The following ZFYVE26 variants were observed in gnomAD, a reference collection of about 807,000 sequenced individuals.
ZFYVE26 encodes zinc finger FYVE-type containing 26.
Under a neutral mutation model 276.5 loss-of-function variants are expected in ZFYVE26, and 181 were observed. The ratio of observed to expected loss-of-function variants is 0.65; its 90% CI spans 0.58 to 0.74. ZFYVE26 has a LOEUF of 0.74. ZFYVE26 is among the 30% of genes least tolerant of loss of function. The probability of loss-of-function intolerance (pLI) is 0.00; values close to 1 mark genes in which losing one functional copy is unlikely to be tolerated. For synonymous variants in ZFYVE26, 1,129 were observed against 1,203.1 expected (o/e 0.94, Z 1.27); for missense variants, 2,821 against 3,097.9 (o/e 0.91, Z 2.12).
In ZFYVE26 at chr14:67,798,418, G is replaced by A. The variant is rs117228915; in HGVS notation, c.1844C>T (p.Ser615Phe). 17,595 of 1,613,474 alleles carry A rather than the reference G, an allele frequency of 0.011. 138 individuals carry two copies. The highest frequency in any genetic ancestry group is 0.018 in the Middle Eastern group (106 of 6,054). ...IEGKSPSGLR[S>F]PSESPQHIAH... is the part of the protein sequence containing the mutation. ...TATGTGCTGAGGGCTCTCTGATGGG[G>A]ACCTCAAACCTGAGGGGCTCTTCCC... Residue 615 changes from serine (S) to phenylalanine (F), a missense_variant, in exon 11 of 42, where the codon TCC (serine) becomes TTC (phenylalanine). Coordinates refer to ENST00000347230, the MANE Select transcript of ZFYVE26 (RefSeq NM_015346.4).
chr14:67,777,788 C>G (rs925766887), intron 24 of ZFYVE26, 53 bp from the exon 25 acceptor site: 13 of 1,601,504 alleles, frequency 8.1e-6, no homozygotes, highest in African/African-American at 1.3e-5. Flanking sequence ...AGCTCTTAGA[C>G]CAGCTTTGTT....
At chr14:67,784,218 C>A in intron 20 of ZFYVE26, 116 bp downstream of exon 20, 1 of 876,414 alleles carries the variant, frequency 1.1e-6, no homozygotes, top group Non-Finnish European at 1.9e-6. Context: ...AAAATTCAGT[C>A]AGGAAGAAAT....
intron 13 of ZFYVE26, among the ~76,000 whole-genome samples, chr14:67,732,126 CAAAAAA>C (rs71129854): frequency 1.3e-5 from 1 of 77,528 alleles, no homozygotes; most frequent in African/African-American, 5.4e-5. Context: ...GACTCTGTCT[CAAAAAA>C]AAAAAAAAAA....
At chr14:67,808,568 G>A (rs2040231744) in intron 4 of ZFYVE26, among the ~76,000 whole-genome samples, 1 of 152,002 alleles carries the variant, frequency 6.6e-6, no homozygotes, top group African/African-American at 2.4e-5. Flanking sequence ...AGGGAGAGAA[G>A]GGGGTGAGAA....
chr14:67,729,381 G>A (rs745369888), exon 14 of ZFYVE26: 1 of 1,597,304 alleles, frequency 6.3e-7, no homozygotes, highest in Non-Finnish European at 8.5e-7. Context: ...AGTACTTCAG[G>A]TGTGTGAAGG....
chr14:67,750,799 G>A, intron 41 of ZFYVE26: 1 of 565,038 alleles, frequency 1.8e-6, no homozygotes. Flanking sequence ...AGATTCAAGA[G>A]CAGCCTAGGA....
rs777319379 is a variant in ZFYVE26, at chr14:67,783,125, T to C, written c.4027A>G (p.Arg1343Gly). The change falls in exon 21 of 42, where the codon AGG becomes GGG. Residue 1343 changes from arginine (R) to glycine (G), a missense_variant. By Grantham distance (125) the Arg-to-Gly change is moderately radical. Transcript: ENST00000347230. ...TGCTCTGCAGCCAGAGGCACCTCCC[T>C]GCGGCCACGAAGTTCCTTCCATGAC... is the stretch of plus-strand genomic sequence containing the variant. ...SLSWKELRGRREVPLAAEQVA... is the reference protein window; with the variant it reads ...SLSWKELRGRGEVPLAAEQVA... 1.9e-5 allele frequency: 30 copies of C among 1,608,976 alleles called. 1 individual carries two copies. Among genetic ancestry groups the C allele is most frequent in the Non-Finnish European group, 2.6e-5 (30 of 1,176,330 alleles).
intron 34 of ZFYVE26, 156 bp downstream of exon 34, chr14:67,762,047 C>T: frequency 1.4e-6 from 1 of 708,380 alleles, no homozygotes; most frequent in South Asian, 1.6e-5. Flanking sequence ...GGTTACTTAT[C>T]TAACTATATG....
At position 67,804,253 on chromosome 14, in the gene ZFYVE26, G is replaced by C; in HGVS notation, c.1283C>G (p.Pro428Arg). Residue 428 changes from proline to arginine, a missense_variant, in exon 9 of 42, where the codon CCA becomes CGA. Transcript: ENST00000347230. ...TAAATGATACAACAGATCTCTCTTT[G>C]GTATGGGGTTGCTGAATGGAAAAGT... ...WCIQQSSNPI[P>R]KRDLLYHLHG... The C allele has an allele frequency of 6.2e-7, 1 of 1,614,162 alleles. No individual in the cohort carries two copies. Among genetic ancestry groups the C allele is most frequent in the South Asian group, 1.1e-5 (1 of 91,078 alleles).
rs373253472 is a variant in ZFYVE26 at position 67,785,099 on chromosome 14, G to C, written c.3483C>G (p.Thr1161=). Residue 1161 remains threonine (T), a synonymous_variant, in exon 19 of 42, where the codon ACC becomes ACG. Coordinates refer to ENST00000347230, the MANE Select transcript of ZFYVE26 (RefSeq NM_015346.4). Reference sequence around the variant, plus strand: ...AACTTTGAAGGAGAACTGCAGCAAGGGTGCTGCAGTAACTGAAGAAGGTGC... The same window carrying C: ...AACTTTGAAGGAGAACTGCAGCAAGCGTGCTGCAGTAACTGAAGAAGGTGC... ...YLGTFFSYCS[T]LAAVLLQSLS... 3.8e-5 allele frequency: 61 copies of C among 1,614,058 alleles called. No homozygotes were observed. Among genetic ancestry groups the C allele is most frequent in the Non-Finnish European group, 9.3e-6 (11 of 1,180,034 alleles).
chr14:67,761,815 T>G (rs968870530), intron 34 of ZFYVE26: 1 of 587,496 alleles, frequency 1.7e-6, no homozygotes, highest in Non-Finnish European at 3.0e-6. Context: ...ATGTTCATAA[T>G]TTTTCAGTGT....
At chr14:67,729,687 T>A (rs2038242346) in exon 14 of ZFYVE26, 1 of 569,082 alleles carries the variant, frequency 1.8e-6, no homozygotes, top group East Asian at 3.9e-5. Flanking sequence ...TCTGGATCGT[T>A]TTTCTCCTTC....
chr14:67,780,038 A>T (rs2039454634), intron 23 of ZFYVE26, among the ~76,000 whole-genome samples: 1 of 151,952 alleles, frequency 6.6e-6, no homozygotes, highest in African/African-American at 2.4e-5. Context: ...CGCCTAGCTA[A>T]TTTTTTGTAT....
intron 3 of ZFYVE26, among the ~76,000 whole-genome samples, chr14:67,813,347 C>G (rs2040339683): frequency 6.6e-6 from 1 of 152,132 alleles, no homozygotes; most frequent in African/African-American, 2.4e-5. Context: ...TCACTTAAAT[C>G]TCAAAGTCTG....
intron 2 of ZFYVE26, among the ~76,000 whole-genome samples, chr14:67,814,397 T>C (rs2040359168): frequency 6.6e-6 from 1 of 152,122 alleles, no homozygotes. Context: ...CAGGCGCCTG[T>C]AGTCCCAGCT....
At chr14:67,731,445 C>T (rs1173258047) in intron 13 of ZFYVE26, among the ~76,000 whole-genome samples, 2 of 151,754 alleles carry the variant, frequency 1.3e-5, no homozygotes, top group East Asian at 1.9e-4. Flanking sequence ...GAACTCCTGA[C>T]CTCAAGTGAT....
At position 67,809,208 on chromosome 14, in the gene ZFYVE26, TG is replaced by T; in HGVS notation, c.354del (p.Asn118LysfsTer10). ...CCAGGGCTCTCTCTCACCTCGAGGA[TG>T]TTCTCTGGAATGTCACCTTGGAGGT... ...SEDLQGDIPE[N>X]ILEELYETLT... On this transcript the variant is annotated frameshift_variant, in exon 4 of 42. Transcript: ENST00000347230. LOFTEE classifies it high-confidence loss of function. 6.2e-7 allele frequency: 1 copy of T among 1,614,046 alleles called. No homozygotes were observed. Among genetic ancestry groups the T allele is most frequent in the Non-Finnish European group, 8.5e-7 (1 of 1,179,962 alleles).
chr14:67,758,340 G>A (rs2038841444), intron 35 of ZFYVE26, among the ~76,000 whole-genome samples: 1 of 152,172 alleles, frequency 6.6e-6, no homozygotes, highest in African/African-American at 2.4e-5. Context: ...TAGCTCTACA[G>A]GAGAGATAGA....
At chr14:67,752,210 AT>A (rs1445659515) in intron 40 of ZFYVE26, 133 bp downstream of exon 40, 6 of 1,182,676 alleles carry the variant, frequency 5.1e-6, no homozygotes, top group African/African-American at 1.5e-5. Flanking sequence ...TGAGGCCATT[AT>A]TGCAGAGGGG....
Sources: gnomAD v4.1 joint callset for allele counts (sites outside exome capture counted in the v4.1 genomes callset) on GRCh38, gnomAD v4.1.1 for gene constraint, MANE v1.5 for transcripts, NCBI Gene and HGNC (gene_info 2026-07-23, HGNC 2026-07-21) for gene names.